Variants in RASEF observed in about 807,000 individuals in gnomAD.
The protein encoded by RASEF is ras and EF-hand domain-containing protein.
RASEF carries 68 observed loss-of-function variants against 90.1 expected under a neutral mutation model. The observed-to-expected ratio is 0.75, with a 90% confidence interval of 0.62 to 0.92. The LOEUF (loss-of-function observed/expected upper bound fraction) is 0.92. Among genes scored for constraint, RASEF ranks in the 40% least tolerant of loss-of-function variants. The probability of loss-of-function intolerance (pLI) is 0.00; values close to 1 mark genes in which losing one functional copy is unlikely to be tolerated. For synonymous variants in RASEF, 331 were observed against 345.2 expected (o/e 0.96, Z 0.46); for missense variants, 949 against 937.2 (o/e 1.01, Z -0.16).
At chr9:82,996,943 G>T (rs900562717) in intron 14 of RASEF, 69 bp downstream of exon 14, 8 of 875,010 alleles carry the variant, frequency 9.1e-6, no homozygotes, top group African/African-American at 3.3e-5. Context: ...AAAGAAGAGA[G>T]ACAGCATTTT....
chr9:83,083,282 T>C, the RASEF span, among the ~76,000 whole-genome samples: 4 of 152,158 alleles, frequency 2.6e-5, no homozygotes, highest in Admixed American at 6.5e-5. Context: ...AACTGGTAAA[T>C]GATTGTCTTA....
At chr9:83,048,861 G>C in intron 1 of RASEF, 1 of 685,298 alleles carries the variant, frequency 1.5e-6, no homozygotes, top group Non-Finnish European at 1.8e-6. Flanking sequence ...GTGTGCAGTG[G>C]CTCACGCCTG....
the RASEF span, among the ~76,000 whole-genome samples, chr9:83,190,485 C>T: frequency 8.6e-5 from 13 of 151,786 alleles, no homozygotes; most frequent in Non-Finnish European, 7.4e-5. Context: ...TGTGCTATCT[C>T]GAGTCTTTGA....
chr9:83,039,911 C>A (rs1213484198), intron 1 of RASEF, among the ~76,000 whole-genome samples: 2 of 152,142 alleles, frequency 1.3e-5, no homozygotes, highest in Non-Finnish European at 2.9e-5. Context: ...TGTCCCCAGC[C>A]AAATCTCATC....
the RASEF span, among the ~76,000 whole-genome samples, chr9:83,102,462 A>G: frequency 3.9e-5 from 6 of 152,202 alleles, no homozygotes; most frequent in African/African-American, 9.6e-5. Context: ...ATGTCTGCAA[A>G]TGGCCACAAA....
chr9:82,986,697 T>C (rs969685335), intron 16 of RASEF, among the ~76,000 whole-genome samples: 2 of 152,214 alleles, frequency 1.3e-5, no homozygotes, highest in Non-Finnish European at 2.9e-5. Context: ...TATGGACAGA[T>C]TTACACCCAA....
At position 83,063,025 on chromosome 9, in the gene RASEF, C is replaced by T; in HGVS notation, c.-158G>A. 1.3e-6 allele frequency: 1 copy of T among 766,322 alleles called. No individual in the cohort carries two copies. Among genetic ancestry groups the T allele is most frequent in the South Asian group, 2.5e-5 (1 of 40,310 alleles). 47.5% of individuals were successfully genotyped at this position (766,322 alleles called of 1,614,324 possible). ...AGGGAACGTCGGGCGGGGCGAGGAACGTCGGGGGTGGCCGAGCGGCTCCCT... is the reference window on the plus strand; with the variant it reads ...AGGGAACGTCGGGCGGGGCGAGGAATGTCGGGGGTGGCCGAGCGGCTCCCT... On this transcript the variant is annotated 5_prime_UTR_variant, in exon 1 of 17. Coordinates refer to ENST00000376447, the MANE Select transcript of RASEF (RefSeq NM_152573.4).
At chr9:82,997,265 C>A (rs1309923359) in intron 13 of RASEF, 139 bp from the exon 14 acceptor site, 1 of 621,620 alleles carries the variant, frequency 1.6e-6, no homozygotes, top group Non-Finnish European at 2.9e-6. Context: ...GAGACATAGG[C>A]ATTTCAAAGG....
chr9:83,213,222 A>G, the RASEF span, among the ~76,000 whole-genome samples: 2 of 151,944 alleles, frequency 1.3e-5, no homozygotes, highest in Non-Finnish European at 2.9e-5. Context: ...CAACATGGTG[A>G]AACCCCATCT....
the RASEF span, among the ~76,000 whole-genome samples, chr9:83,106,859 C>T: frequency 6.6e-6 from 1 of 152,200 alleles, no homozygotes; most frequent in Non-Finnish European, 1.5e-5. Context: ...CATTCTCTTC[C>T]TGCTTAAATT....
At chr9:83,080,893 T>C in the RASEF span, among the ~76,000 whole-genome samples, 2 of 152,098 alleles carry the variant, frequency 1.3e-5, no homozygotes, top group South Asian at 2.1e-4. Context: ...TTTTAAAAAA[T>C]GTTAGTAAGA....
rs1828961418 is a variant in RASEF, at chr9:82,998,421, G to A, written c.1749C>T (p.Leu583=). 1 of 1,612,370 alleles carries A rather than the reference G, an allele frequency of 6.2e-7. No homozygotes were observed. The highest frequency in any genetic ancestry group is 8.5e-7 in the Non-Finnish European group (1 of 1,178,378). The change falls in exon 13 of 17, where the codon CTC becomes CTT. Residue 583 remains leucine, a synonymous_variant. Transcript: ENST00000376447. ...GAACTGTTCGTTCTCCATCCACAAT[G>A]AGGGTTTTCATTTGGAAATCAACTC... ...TLGVDFQMKT[L]IVDGERTVLQ...
chr9:83,185,925 T>C, the RASEF span, among the ~76,000 whole-genome samples: 7 of 151,414 alleles, frequency 4.6e-5, no homozygotes, highest in Non-Finnish European at 8.8e-5. Flanking sequence ...CCACGGGAGA[T>C]TGCCCAGCAC....
At chr9:83,044,484 T>C (rs888885472) in intron 1 of RASEF, among the ~76,000 whole-genome samples, 1 of 152,104 alleles carries the variant, frequency 6.6e-6, no homozygotes, top group African/African-American at 2.4e-5. Flanking sequence ...TAAGCAGATG[T>C]AGGGCAAGCC....
At chr9:83,076,572 A>G in the RASEF span, among the ~76,000 whole-genome samples, 2 of 125,776 alleles carry the variant, frequency 1.6e-5, no homozygotes, top group Admixed American at 7.8e-5. Context: ...TCAGCTCTCA[A>G]TGTTTTCCAG....
At chr9:83,125,955 T>C in the RASEF span, among the ~76,000 whole-genome samples, 2 of 152,212 alleles carry the variant, frequency 1.3e-5, no homozygotes, top group African/African-American at 2.4e-5. Flanking sequence ...ACCAGTGCTA[T>C]GAAGGCATAG....
chr9:83,018,574 T>A (rs192361170), intron 3 of RASEF, among the ~76,000 whole-genome samples: 95 of 152,178 alleles, frequency 6.2e-4, no homozygotes, highest in Non-Finnish European at 9.3e-4. Flanking sequence ...GCTTTTTTTT[T>A]TAAAAGAAAT....
At chr9:83,008,194 C>T (rs1186293656) in intron 6 of RASEF, among the ~76,000 whole-genome samples, 1 of 152,128 alleles carries the variant, frequency 6.6e-6, no homozygotes, top group African/African-American at 2.4e-5. Flanking sequence ...TCACTAGCTT[C>T]CCAAAATGCC....
the RASEF span, among the ~76,000 whole-genome samples, chr9:83,175,208 G>A: frequency 6.6e-6 from 1 of 152,120 alleles, no homozygotes; most frequent in Non-Finnish European, 1.5e-5. Flanking sequence ...AAACACTTCA[G>A]TCTAACACTT....
Sources: gnomAD v4.1 joint callset for allele counts (sites outside exome capture counted in the v4.1 genomes callset) on GRCh38, gnomAD v4.1.1 for gene constraint, MANE v1.5 for transcripts, NCBI Gene and HGNC (gene_info 2026-07-23, HGNC 2026-07-21) for gene names.